Variants in CWC27 observed in about 807,000 individuals in gnomAD.
CWC27 encodes spliceosome-associated protein CWC27 homolog.
Under a neutral mutation model 63.6 loss-of-function variants are expected in CWC27, and 47 were observed. The ratio of observed to expected loss-of-function variants is 0.74; its 90% CI spans 0.58 to 0.94. The LOEUF is 0.94. CWC27 is among the 40% of genes least tolerant of loss of function. The pLI, the probability that CWC27 is intolerant of heterozygous loss-of-function variation, is 0.00. For missense variants in CWC27, 495 were observed against 554.3 expected, an observed-to-expected ratio of 0.89 and a Z score of 1.07; for synonymous variants, 175 against 179.8, an observed-to-expected ratio of 0.97 and a Z score of 0.22.
intron 11 of CWC27, among the ~76,000 whole-genome samples, chr5:64,956,500 T>C (rs1748804884): frequency 6.6e-6 from 1 of 152,156 alleles, no homozygotes; most frequent in Non-Finnish European, 1.5e-5. Flanking sequence ...ATCTTATTTC[T>C]CCTTTAATGC....
At chr5:65,002,034 C>G (rs1749741430) in intron 13 of CWC27, among the ~76,000 whole-genome samples, 1 of 152,016 alleles carries the variant, frequency 6.6e-6, no homozygotes, top group African/African-American at 2.4e-5. Context: ...ATTCCTAGTT[C>G]AATCTCCAGA....
chr5:65,018,335 A>G lies in CWC27; in HGVS notation c.*14A>G. 6.3e-7 allele frequency: 1 copy of G among 1,581,402 alleles called. No individual in the cohort carries two copies. Among genetic ancestry groups the G allele is most frequent in the Non-Finnish European group, 8.6e-7 (1 of 1,167,994 alleles). ...GAAAGAAGATAAAATGAGAATAATG[A>G]TAACCAGAACTTGCTGGAAATGTGC... On this transcript the variant is annotated 3_prime_UTR_variant, in exon 14 of 14. Transcript: ENST00000381070.
At chr5:64,979,657 A>G (rs1749298339) in intron 13 of CWC27, among the ~76,000 whole-genome samples, 1 of 152,228 alleles carries the variant, frequency 6.6e-6, no homozygotes, top group South Asian at 2.1e-4. Flanking sequence ...CATGGTTCCC[A>G]GACTATTTTG....
chr5:64,880,756 A>C (rs752790630), intron 10 of CWC27, among the ~76,000 whole-genome samples: 7 of 151,880 alleles, frequency 4.6e-5, no homozygotes, highest in African/African-American at 7.2e-5. Flanking sequence ...TCTGGTGGAT[A>C]AATGCTGATG....
chr5:64,848,682 C>T lies in CWC27; in HGVS notation c.939-36761C>T, dbSNP rs548427537. On this transcript the variant is annotated intron_variant, in intron 10 of 13. Coordinates refer to ENST00000381070, the MANE Select transcript of CWC27 (RefSeq NM_005869.4). Reference sequence around the variant, plus strand: ...TCCCTGAGATACACAAAAGACTCAACATACACAAATCAATAAATGTGGTAC... The same window carrying T: ...TCCCTGAGATACACAAAAGACTCAATATACACAAATCAATAAATGTGGTAC... 8.0e-4 allele frequency among the ~76,000 whole-genome samples: 122 copies of T among 152,272 alleles called. 4 individuals are homozygous for T. In the South Asian group the frequency reaches 0.024, roughly 30 times the overall value.
At chr5:64,993,827 G>C (rs190070454) in intron 13 of CWC27, among the ~76,000 whole-genome samples, 9 of 152,106 alleles carry the variant, frequency 5.9e-5, no homozygotes, top group Non-Finnish European at 1.2e-4. Flanking sequence ...ATATGGCAAC[G>C]AAGCCAGTGC....
intron 11 of CWC27, among the ~76,000 whole-genome samples, chr5:64,890,417 G>A (rs1426356308): frequency 6.6e-6 from 1 of 152,108 alleles, no homozygotes; most frequent in African/African-American, 2.4e-5. Flanking sequence ...CTTGGTCTTA[G>A]TTGGTATAAG....
At chr5:64,934,325 T>C (rs191958805) in intron 11 of CWC27, among the ~76,000 whole-genome samples, 1 of 152,342 alleles carries the variant, frequency 6.6e-6, no homozygotes, top group Admixed American at 6.5e-5. Context: ...ATTGTTCAAC[T>C]CCCACTTATG....
chr5:64,819,480 A>G (rs985253214), intron 10 of CWC27, among the ~76,000 whole-genome samples: 3 of 151,982 alleles, frequency 2.0e-5, no homozygotes, highest in African/African-American at 7.2e-5. Context: ...GTGGGAGGTA[A>G]TTAATCATGA....
At chr5:64,928,119 C>T (rs1211228075) in intron 11 of CWC27, among the ~76,000 whole-genome samples, 2 of 151,000 alleles carry the variant, frequency 1.3e-5, no homozygotes, top group African/African-American at 4.9e-5. Flanking sequence ...CGCGCCATTG[C>T]ACTTCAGCCT....
At chr5:64,776,068 C>CGAGAGGGAGAGAGAGAGA (rs1743432221) in intron 2 of CWC27, among the ~76,000 whole-genome samples, 1 of 108,556 alleles carries the variant, frequency 9.2e-6, no homozygotes, top group African/African-American at 3.8e-5. Context: ...AGGAGTGGAG[C>CGAGAGGGAGAGAGAGAGA]GAGAGAGAGA....
At chr5:64,990,590 C>T (rs1017919637) in intron 13 of CWC27, among the ~76,000 whole-genome samples, 6 of 152,122 alleles carry the variant, frequency 3.9e-5, no homozygotes, top group Non-Finnish European at 7.4e-5. Context: ...TAGATGTCAT[C>T]CTTAATTCAG....
In CWC27 at chr5:64,799,959, A is replaced by G. The variant is rs573304203; in HGVS notation, c.670-289A>G. On this transcript the variant is annotated intron_variant, in intron 7 of 13. Transcript: ENST00000381070. ...GGTCATAAAAATTAACTAGTTTCATAGTATGCAAATTATTATGAGAATTTA... is the reference window on the plus strand; with the variant it reads ...GGTCATAAAAATTAACTAGTTTCATGGTATGCAAATTATTATGAGAATTTA... 1.3e-5 allele frequency among the ~76,000 whole-genome samples: 2 copies of G among 152,126 alleles called. 1 individual carries two copies. Among genetic ancestry groups the G allele is most frequent in the South Asian group, 4.1e-4 (2 of 4,828 alleles).
intron 13 of CWC27, among the ~76,000 whole-genome samples, chr5:64,978,626 G>T (rs1749275550): frequency 6.7e-6 from 1 of 148,178 alleles, no homozygotes. Context: ...TTTTTTGGCG[G>T]TGGGGGGGAT....
chr5:64,786,475 G>A (rs1743889708), intron 5 of CWC27, 49 bp from the exon 6 acceptor site: 1 of 1,187,438 alleles, frequency 8.4e-7, no homozygotes, highest in South Asian at 1.6e-5. Flanking sequence ...TTGATTTTTT[G>A]TGAAATGTTA....
chr5:64,815,218 A>G (rs956261628), intron 10 of CWC27, among the ~76,000 whole-genome samples: 6 of 152,116 alleles, frequency 3.9e-5, no homozygotes, highest in Non-Finnish European at 7.4e-5. Flanking sequence ...TATGCACCCA[A>G]ATCTCAGTGG....
chr5:64,809,719 A>G (rs942896074), intron 10 of CWC27, among the ~76,000 whole-genome samples: 1 of 151,916 alleles, frequency 6.6e-6, no homozygotes, highest in African/African-American at 2.4e-5. Context: ...CTGTTTAGGT[A>G]TTTTGCCTAT....
chr5:64,895,941 G>T (rs987628512), intron 11 of CWC27, among the ~76,000 whole-genome samples: 6 of 152,146 alleles, frequency 3.9e-5, no homozygotes, highest in Non-Finnish European at 7.4e-5. Context: ...ATTCTAGGAG[G>T]AGACCAAAGG....
chr5:64,904,186 A>G (rs1055224945), intron 11 of CWC27, among the ~76,000 whole-genome samples: 1 of 152,198 alleles, frequency 6.6e-6, no homozygotes, highest in Non-Finnish European at 1.5e-5. Flanking sequence ...GTTTCAAACC[A>G]TTTACATATT....
Sources: allele counts gnomAD v4.1 joint callset (sites outside exome capture counted in the v4.1 genomes callset), GRCh38; gene constraint gnomAD v4.1.1; transcripts MANE v1.5; gene names NCBI Gene and HGNC (gene_info 2026-07-23, HGNC 2026-07-21).